The following OTUD7A variants were observed in gnomAD, a reference collection of about 807,000 sequenced individuals.
The protein encoded by OTUD7A is OTU domain-containing protein 7A.
A neutral mutation model predicts 65.7 loss-of-function variants in OTUD7A; 12 were observed. The observed-to-expected ratio is 0.18, with a 90% CI of 0.12 to 0.30. The LOEUF (loss-of-function observed/expected upper bound fraction) is 0.30, where lower values mean the gene tolerates loss of function less well. OTUD7A is among the 10% of genes least tolerant of loss of function. The pLI is 1.00. For synonymous variants in OTUD7A, 641 were observed against 586.3 expected (o/e 1.09, Z -1.35); for missense variants, 1,148 against 1,304.8 (o/e 0.88, Z 1.85).
intron 3 of OTUD7A, among the ~76,000 whole-genome samples, chr15:31,653,504 T>C (rs1891901932): frequency 1.3e-5 from 2 of 150,028 alleles, no homozygotes; most frequent in South Asian, 2.1e-4. Context: ...AGGAGCCAGT[T>C]TCAGAAGATT....
intron 1 of OTUD7A, among the ~76,000 whole-genome samples, chr15:31,825,309 C>T (rs762224527): frequency 1.3e-5 from 2 of 152,236 alleles, no homozygotes; most frequent in Admixed American, 6.5e-5. Context: ...GCCCCATTAT[C>T]ATGGCGGAAG....
At chr15:31,852,506 T>G (rs1355508929) in intron 1 of OTUD7A, among the ~76,000 whole-genome samples, 1 of 152,248 alleles carries the variant, frequency 6.6e-6, no homozygotes, top group Non-Finnish European at 1.5e-5. Context: ...AAATACAGTT[T>G]GGGTTCACAG....
chr15:31,746,236 C>A (rs568544145), intron 1 of OTUD7A, among the ~76,000 whole-genome samples: 117 of 152,204 alleles, frequency 7.7e-4, no homozygotes, highest in African/African-American at 2.7e-3. Context: ...AAGACTTGTA[C>A]AAGAATGATT....
intron 3 of OTUD7A, among the ~76,000 whole-genome samples, chr15:31,584,926 G>A (rs1889484642): frequency 1.3e-5 from 2 of 152,160 alleles, no homozygotes; most frequent in African/African-American, 2.4e-5. Flanking sequence ...ACCTATTGAT[G>A]AGGAGAAATT....
In OTUD7A at chr15:31,483,794, G is replaced by T. The variant is rs1406912788; in HGVS notation, c.2302C>A (p.Arg768Ser). Residue 768 changes from arginine to serine, a missense_variant, in exon 13 of 13, where the codon CGC becomes AGC. By Grantham distance (110) the Arg-to-Ser change is moderately radical. Transcript: ENST00000307050. ...TGGCGCGCTGGCGCCGGGGGGCTGCGGCCAGGCACTGGTCCGCTGGCGCTC... is the reference window on the plus strand; with the variant it reads ...TGGCGCGCTGGCGCCGGGGGGCTGCTGCCAGGCACTGGTCCGCTGGCGCTC... ...RASASGPVPG[R>S]SPPAPARQSV... 1.9e-6 allele frequency: 2 copies of T among 1,033,990 alleles called. No individual in the cohort carries two copies. Among genetic ancestry groups the T allele is most frequent in the South Asian group, 4.5e-5 (1 of 22,466 alleles). 64.1% of individuals were successfully genotyped at this position (1,033,990 alleles called of 1,614,324 possible). A position where few individuals can be genotyped will look rare whatever the true frequency, so the allele number is the denominator to read the frequency against.
At chr15:31,652,875 C>T (rs958372687) in intron 3 of OTUD7A, among the ~76,000 whole-genome samples, 8 of 152,150 alleles carry the variant, frequency 5.3e-5, no homozygotes, top group African/African-American at 1.9e-4. Flanking sequence ...TCAGGCACTG[C>T]TGGTAGGAAT....
intron 8 of OTUD7A, among the ~76,000 whole-genome samples, chr15:31,506,800 T>C (rs2041577546): frequency 6.6e-6 from 1 of 152,250 alleles, no homozygotes; most frequent in Non-Finnish European, 1.5e-5. Context: ...CCTCAGGGGC[T>C]GACCCGCACA....
At chr15:31,780,990 T>C (rs1297645551) in intron 1 of OTUD7A, among the ~76,000 whole-genome samples, 1 of 152,240 alleles carries the variant, frequency 6.6e-6, no homozygotes, top group Non-Finnish European at 1.5e-5. Flanking sequence ...GGTTTATACA[T>C]CGGCCTCTTG....
chr15:31,561,131 G>A (rs1436048398), intron 4 of OTUD7A, among the ~76,000 whole-genome samples: 1 of 152,198 alleles, frequency 6.6e-6, no homozygotes, highest in Non-Finnish European at 1.5e-5. Context: ...GAGACCAACA[G>A]GATTAAGTTC....
intron 1 of OTUD7A, among the ~76,000 whole-genome samples, chr15:31,801,053 CAAAAA>C (rs772401103): frequency 6.6e-5 from 6 of 91,346 alleles, no homozygotes; most frequent in Admixed American, 5.4e-4. Context: ...CCAGCAGCCT[CAAAAA>C]AAAAAAAAAA....
chr15:31,808,583 G>A (rs536215278), intron 1 of OTUD7A, among the ~76,000 whole-genome samples: 1 of 152,300 alleles, frequency 6.6e-6, no homozygotes, highest in South Asian at 2.1e-4. Context: ...ATATTTAGAA[G>A]TCTGAGTGTA....
chr15:31,815,535 C>T (rs949941948), intron 1 of OTUD7A, among the ~76,000 whole-genome samples: 6 of 152,240 alleles, frequency 3.9e-5, no homozygotes, highest in African/African-American at 9.6e-5. Flanking sequence ...CATTGAACAT[C>T]CAGTGCTTCT....
At chr15:31,659,084 A>T (rs550417295) in intron 1 of OTUD7A, among the ~76,000 whole-genome samples, 7 of 139,816 alleles carry the variant, frequency 5.0e-5, no homozygotes, top group African/African-American at 2.2e-4. Flanking sequence ...AATAAATAAA[A>T]TAAAATTAAA....
chr15:31,507,026 ATTTGTATT>A (rs1177918877), intron 8 of OTUD7A, among the ~76,000 whole-genome samples: 13 of 152,166 alleles, frequency 8.5e-5, no homozygotes, highest in Non-Finnish European at 1.5e-4. Context: ...TTAGCTAGGC[ATTTGTATT>A]TTGATGTATT....
rs1037653512 is a variant in OTUD7A at position 31,833,723 on chromosome 15, G to T, written c.-100+36784C>A. On this transcript the variant is annotated intron_variant, in intron 1 of 12. Coordinates refer to ENST00000307050, the MANE Select transcript of OTUD7A (RefSeq NM_001382637.1). ...TAGATTTAAATATCTTAGAATTCCA[G>T]ATATTAGCAGTTATCGAATTCCTCA... Among the ~76,000 whole-genome samples the T allele has an allele frequency of 5.9e-5, 9 of 152,230 alleles. 1 individual carries two copies.
chr15:31,749,476 G>A (rs750015844), intron 1 of OTUD7A, among the ~76,000 whole-genome samples: 27 of 152,192 alleles, frequency 1.8e-4, no homozygotes, highest in Middle Eastern at 3.4e-3. Flanking sequence ...ACTAACCTAC[G>A]CACATAGACA....
At chr15:31,620,826 TC>T (rs1428006224) in intron 3 of OTUD7A, among the ~76,000 whole-genome samples, 2 of 106,478 alleles carry the variant, frequency 1.9e-5, no homozygotes. Flanking sequence ...ATGTGTTTGC[TC>T]TTGCTTTTCT....
At chr15:31,825,845 C>T (rs1275831410) in intron 1 of OTUD7A, among the ~76,000 whole-genome samples, 7 of 152,228 alleles carry the variant, frequency 4.6e-5, no homozygotes, top group Non-Finnish European at 1.0e-4. Flanking sequence ...GCTACAGGCC[C>T]CATGCGAGTC....
intron 1 of OTUD7A, among the ~76,000 whole-genome samples, chr15:31,812,361 C>A (rs1896441777): frequency 1.3e-5 from 2 of 152,200 alleles, no homozygotes; most frequent in Non-Finnish European, 2.9e-5. Context: ...AGGGTGGCCA[C>A]ATTAGCCACC....
Sources: gnomAD v4.1 joint callset for allele counts (sites outside exome capture counted in the v4.1 genomes callset) on GRCh38, gnomAD v4.1.1 for gene constraint, MANE v1.5 for transcripts, NCBI Gene and HGNC (gene_info 2026-07-23, HGNC 2026-07-21) for gene names.